PXDN: variants seen among roughly 807,000 people sequenced by gnomAD.
The protein encoded by PXDN is peroxidasin homolog.
In PXDN, 77 loss-of-function variants were observed where a neutral mutation model predicts 140.3. That is an observed-to-expected ratio of 0.55 (90% CI 0.46 to 0.66). The LOEUF (loss-of-function observed/expected upper bound fraction) is 0.66, where lower values mean the gene tolerates loss of function less well. Among genes scored for constraint, PXDN ranks in the 30% least tolerant of loss-of-function variants. The pLI is 0.00. For missense variants in PXDN, 1,838 were observed against 2,039.5 expected (o/e 0.90, Z 1.90); for synonymous variants, 911 against 857.4 (o/e 1.06, Z -1.09).
In PXDN at chr2:1,660,262, G is replaced by C. The variant is rs182768346; in HGVS notation, c.1837+619C>G. On this transcript the variant is annotated intron_variant, in intron 14 of 22. Coordinates refer to ENST00000252804, the MANE Select transcript of PXDN (RefSeq NM_012293.3). The surrounding 1 kb of genome is among the most constrained non-coding windows in gnomAD (Gnocchi z 4.6). Reference sequence around the variant, plus strand: ...TGAGAAAGAGGGGCCAGAGTGACCCGGGCCTCTGTTACAAGAACCCGGACA... The same window carrying C: ...TGAGAAAGAGGGGCCAGAGTGACCCCGGCCTCTGTTACAAGAACCCGGACA... Among the ~76,000 whole-genome samples the C allele has an allele frequency of 3.1e-3, 466 of 152,222 alleles. 4 individuals are homozygous for C. Among genetic ancestry groups the C allele is most frequent in the Non-Finnish European group, 2.7e-3 (187 of 68,014 alleles).
chr2:1,699,480 C>T (rs1056512869), intron 1 of PXDN, among the ~76,000 whole-genome samples: 2 of 152,120 alleles, frequency 1.3e-5, no homozygotes, highest in East Asian at 1.9e-4. Context: ...AGGCCGAGGC[C>T]GGCGGATCAC....
intron 1 of PXDN, among the ~76,000 whole-genome samples, chr2:1,701,980 G>A (rs537947226): frequency 6.6e-6 from 1 of 152,172 alleles, no homozygotes; most frequent in Admixed American, 6.5e-5. Flanking sequence ...CTGCAGGGGT[G>A]AATTGGTAAC....
rs939711551 is a variant in PXDN, at chr2:1,639,245, G to A, written c.4073+57C>T. The A allele has an allele frequency of 1.7e-5, 27 of 1,568,212 alleles. No individual in the cohort carries two copies. The highest frequency in any genetic ancestry group is 1.9e-5 in the Non-Finnish European group (22 of 1,156,326). On this transcript the variant is annotated intron_variant, in intron 20 of 22. Coordinates refer to ENST00000252804, the MANE Select transcript of PXDN (RefSeq NM_012293.3). The surrounding 1 kb of genome is among the most constrained non-coding windows in gnomAD (Gnocchi z 5.0). ...CAGCAGGATGCCGGTCCTACTGCCCGACGCCCGCGGTGCGAGGGCCCCTCT... is the reference window on the plus strand; with the variant it reads ...CAGCAGGATGCCGGTCCTACTGCCCAACGCCCGCGGTGCGAGGGCCCCTCT...
rs1423064009 is a variant in PXDN, at chr2:1,639,829, A to T, written c.3953-407T>A. ...GACAATCTGCACTCTGGAGTGCCTT[A>T]AAATTATGCTACACTCCCTACGTCA... On this transcript the variant is annotated intron_variant, in intron 19 of 22. Transcript: ENST00000252804. This position sits in a 1 kb window ranked among gnomAD's most constrained non-coding sequence, Gnocchi z 5.0. Among the ~76,000 whole-genome samples the T allele has an allele frequency of 1.3e-5, 2 of 152,194 alleles. No individual in the cohort carries two copies. Among genetic ancestry groups the T allele is most frequent in the Non-Finnish European group, 2.9e-5 (2 of 68,028 alleles).
At chr2:1,684,188 A>T in intron 4 of PXDN, 37 bp from the exon 5 acceptor site, 1 of 1,522,406 alleles carries the variant, frequency 6.6e-7, no homozygotes, top group Non-Finnish European at 8.9e-7. Flanking sequence ...ATAACTTACA[A>T]TTTATTTTCT....
In PXDN at chr2:1,731,179, C is replaced by CACACACACAA. The variant is rs60396503; in HGVS notation, c.200+13076_200+13077insTTGTGTGTGT. On this transcript the variant is annotated intron_variant, in intron 1 of 22. Transcript: ENST00000252804. ...ACACACACACACACACACACACACA[C>CACACACACAA]ATGAACTAGTGAGAGGAAGTTTTAA... Among the ~76,000 whole-genome samples the CACACACACAA allele has an allele frequency of 3.5e-3, 525 of 149,106 alleles. 4 individuals are homozygous for CACACACACAA. Among genetic ancestry groups the CACACACACAA allele is most frequent in the African/African-American group, 0.01 (414 of 40,932 alleles).
At chr2:1,720,413 G>A (rs1043241767) in intron 1 of PXDN, among the ~76,000 whole-genome samples, 15 of 151,804 alleles carry the variant, frequency 9.9e-5, no homozygotes, top group South Asian at 2.1e-4. Context: ...ACAGAGAGAG[G>A]GAGGGATGCA....
intron 21 of PXDN, chr2:1,635,961 GC>G: frequency 3.2e-6 from 1 of 316,942 alleles, no homozygotes; most frequent in South Asian, 2.8e-5. Context: ...CAACCGCTGT[GC>G]CATGCACAGG....
chr2:1,644,492 C>T (rs974007380), intron 18 of PXDN, 126 bp downstream of exon 18: 77 of 1,129,308 alleles, frequency 6.8e-5, no homozygotes, highest in Non-Finnish European at 8.6e-5. Flanking sequence ...CATTCTCAAC[C>T]GGGGACACAC....
intron 2 of PXDN, 73 bp from the exon 3 acceptor site, chr2:1,692,072 G>C: frequency 9.0e-7 from 1 of 1,110,366 alleles, no homozygotes; most frequent in Non-Finnish European, 1.3e-6. Flanking sequence ...AAAACATTCC[G>C]ACAGCCTTGG....
intron 3 of PXDN, among the ~76,000 whole-genome samples, chr2:1,689,263 G>A (rs7580177): frequency 6.6e-6 from 1 of 152,030 alleles, no homozygotes; most frequent in Non-Finnish European, 1.5e-5. Flanking sequence ...GTTCACATGG[G>A]AGTTGTTACT....
chr2:1,639,152 G>C lies in PXDN; in HGVS notation c.4073+150C>G. On this transcript the variant is annotated intron_variant, in intron 20 of 22. Coordinates refer to ENST00000252804, the MANE Select transcript of PXDN (RefSeq NM_012293.3). The surrounding 1 kb of genome is among the most constrained non-coding windows in gnomAD (Gnocchi z 5.0). ...CTCTGAGTGGGCAGCACAGCAGGAC[G>C]CAGGCTGCGGCCTGGCCCCCAGTGC... 6.8e-7 allele frequency: 1 copy of C among 1,476,324 alleles called. No homozygotes were observed. The highest frequency in any genetic ancestry group is 2.4e-5 in the East Asian group (1 of 41,764). The allele number at this position is 1,476,324 out of a possible 1,614,324, so 91.5% of individuals were successfully genotyped here.
intron 19 of PXDN, among the ~76,000 whole-genome samples, chr2:1,642,779 G>A (rs1682758437): frequency 6.6e-6 from 1 of 152,224 alleles, no homozygotes; most frequent in Non-Finnish European, 1.5e-5. Flanking sequence ...CGCCTCTGCA[G>A]GGAAGACGGA....
chr2:1,677,642 C>T (rs1416612900), intron 7 of PXDN, among the ~76,000 whole-genome samples: 1 of 151,156 alleles, frequency 6.6e-6, no homozygotes, highest in Non-Finnish European at 1.5e-5. Flanking sequence ...CTGACGGCTC[C>T]CAGGCCTTCC....
chr2:1,673,513 C>G, intron 9 of PXDN, 130 bp downstream of exon 9: 1 of 1,276,206 alleles, frequency 7.8e-7, no homozygotes, highest in Non-Finnish European at 1.1e-6. Flanking sequence ...TCTGAGCCAA[C>G]CCTGGTACTG....
chr2:1,744,163 C>T, intron 1 of PXDN, 93 bp downstream of exon 1: 3 of 1,249,882 alleles, frequency 2.4e-6, no homozygotes, highest in Non-Finnish European at 3.1e-6. Context: ...GCCCCCTCCA[C>T]CCTCCGCGCC....
chr2:1,687,424 T>A lies in PXDN; in HGVS notation c.416+208A>T, dbSNP rs2125446935. On this transcript the variant is annotated intron_variant, in intron 4 of 22. Transcript: ENST00000252804. This position sits in a 1 kb window ranked among gnomAD's most constrained non-coding sequence, Gnocchi z 4.0. ...GAAACCAGGGATACGTCCTGAGGGG[T>A]GGGTGGAGGGCTGGCTGGGTGGAAG... Among the ~76,000 whole-genome samples the A allele has an allele frequency of 6.6e-6, 1 of 151,230 alleles. No homozygotes were observed. The highest frequency in any genetic ancestry group is 1.5e-5 in the Non-Finnish European group (1 of 67,798).
intron 9 of PXDN, among the ~76,000 whole-genome samples, chr2:1,671,023 G>A (rs1683563203): frequency 6.6e-6 from 1 of 152,190 alleles, no homozygotes; most frequent in Non-Finnish European, 1.5e-5. Flanking sequence ...GACAAAGGAA[G>A]TGGGAACCAC....
rs559571293 is a variant in PXDN at position 1,740,572 on chromosome 2, G to A, written c.200+3684C>T. ...CATGTGAACACAGGCCGGGAGGTGG[G>A]CTGGTCCACTCAGTCCAGACCACCA... On this transcript the variant is annotated intron_variant, in intron 1 of 22. Coordinates refer to ENST00000252804, the MANE Select transcript of PXDN (RefSeq NM_012293.3). Among the ~76,000 whole-genome samples, 101 of 152,024 alleles carry A rather than the reference G, an allele frequency of 6.6e-4. 3 individuals are homozygous for A. Among genetic ancestry groups the A allele is most frequent in the African/African-American group, 2.4e-3 (99 of 41,490 alleles).
Sources: gnomAD v4.1 joint callset for allele counts (sites outside exome capture counted in the v4.1 genomes callset) on GRCh38, gnomAD v4.1.1 for gene constraint, Gnocchi (gnomAD v3.1) non-coding constraint, MANE v1.5 for transcripts, NCBI Gene and HGNC (gene_info 2026-07-23, HGNC 2026-07-21) for gene names.